The following SYNE1 variants were observed in gnomAD, a reference collection of about 807,000 sequenced individuals.
SYNE1 encodes the protein spectrin repeat containing nuclear envelope protein 1.
SYNE1 carries 616 observed loss-of-function variants against 1,111.0 expected under a neutral mutation model. That is an observed-to-expected ratio of 0.55 (90% CI 0.52 to 0.59). The LOEUF is 0.59. Among genes scored for constraint, SYNE1 ranks in the 20% least tolerant of loss-of-function variants. The pLI is 0.00. For synonymous variants in SYNE1, 3,855 were observed against 3,825.8 expected (o/e 1.01, Z -0.28); for missense variants, 10,006 against 10,417.0 (o/e 0.96, Z 1.72).
At chr6:152,531,652 A>T (rs994350582) in intron 4 of SYNE1, among the ~76,000 whole-genome samples, 5 of 152,172 alleles carry the variant, frequency 3.3e-5, no homozygotes, top group Non-Finnish European at 7.4e-5. Context: ...ACAACTAGCC[A>T]TTCCCTCTGC....
At position 152,355,095 on chromosome 6, in the gene SYNE1, A is replaced by G. The variant is rs1279012575; in HGVS notation, c.10609-119T>C. On this transcript the variant is annotated intron_variant, in intron 66 of 145. Coordinates refer to ENST00000367255, the MANE Select transcript of SYNE1 (RefSeq NM_182961.4). ...CTTCTCATTAGAAAAAAATGATTTT[A>G]TTATTATGCCCTATACAAAAATATG... 4 of 1,098,368 alleles carry G rather than the reference A, an allele frequency of 3.6e-6. No individual in the cohort carries two copies. In the African/African-American group the frequency reaches 4.6e-5, roughly 13 times the overall value. 68.0% of individuals were successfully genotyped at this position (1,098,368 alleles called of 1,614,324 possible).
At chr6:152,363,022 A>G (rs975753050) in intron 63 of SYNE1, among the ~76,000 whole-genome samples, 4 of 150,990 alleles carry the variant, frequency 2.6e-5, no homozygotes, top group Admixed American at 6.6e-5. Context: ...CTGGGACTAC[A>G]TGCCCCCGCC....
chr6:152,568,736 T>C (rs2099429320), intron 3 of SYNE1, among the ~76,000 whole-genome samples: 1 of 151,994 alleles, frequency 6.6e-6, no homozygotes. Flanking sequence ...GACTCCTGAG[T>C]AGCTAGAACT....
At chr6:152,392,926 A>G (rs909801044) in intron 51 of SYNE1, among the ~76,000 whole-genome samples, 2 of 152,196 alleles carry the variant, frequency 1.3e-5, no homozygotes, top group Non-Finnish European at 2.9e-5. Flanking sequence ...GTAGTGAAAT[A>G]TTATGGTGAA....
chr6:152,278,188 G>A lies in SYNE1; in HGVS notation c.18474C>T (p.Thr6158=), dbSNP rs755297465. Residue 6158 remains threonine, a synonymous_variant, in exon 98 of 146, where the codon ACC becomes ACT. Transcript: ENST00000367255. ...CAGCCAGCTGCTCGGCCTCGTCCTT[G>A]GTGTGAGCTTTGCCCTCCAGCAGCA... ...ENLLLEGKAH[T]KDEAEQLAGK... is the part of the protein sequence containing the mutation. 6.2e-7 allele frequency: 1 copy of A among 1,614,150 alleles called. No individual in the cohort carries two copies.
chr6:152,512,273 G>T (rs1279340527), intron 6 of SYNE1, among the ~76,000 whole-genome samples: 1 of 152,008 alleles, frequency 6.6e-6, no homozygotes, highest in African/African-American at 2.4e-5. Flanking sequence ...CAGGTTCAAT[G>T]ACAAAAAATA....
Position 152,206,211 on chromosome 6 carries a change from A to T in SYNE1, c.22976T>A (p.Met7659Lys). The T allele has an allele frequency of 6.2e-7, 1 of 1,613,846 alleles. No homozygotes were observed. The highest frequency in any genetic ancestry group is 8.5e-7 in the Non-Finnish European group (1 of 1,180,026). Reference protein sequence around the residue: ...EIQEKWKSASMRLEEQKKKLA... With the variant: ...EIQEKWKSASKRLEEQKKKLA... ...TTTTTTCTTCTGTTCTTCCAGCCGC[A>T]TGCTGGCTGATTTCCATTTCTCTTG... The change falls in exon 126 of 146, where the codon ATG (methionine) becomes AAG (lysine). Residue 7659 changes from methionine (M) to lysine (K), a missense_variant. Physicochemically the swap from Met to Lys is moderately conservative, Grantham distance 95. Around this residue, in one of 7 missense-constraint regions of SYNE1, gnomAD observed 2,182 missense variants for 2,287.8 expected, o/e 0.95. Coordinates refer to ENST00000367255, the MANE Select transcript of SYNE1 (RefSeq NM_182961.4).
intron 59 of SYNE1, 105 bp downstream of exon 59, chr6:152,372,930 CAA>C: frequency 7.8e-7 from 1 of 1,281,318 alleles, no homozygotes; most frequent in Admixed American, 1.7e-5. Context: ...GAGGGGTAAC[CAA>C]AATCATTGAC....
At chr6:152,535,940 G>T (rs2099233428) in intron 4 of SYNE1, among the ~76,000 whole-genome samples, 1 of 151,918 alleles carries the variant, frequency 6.6e-6, no homozygotes, top group Non-Finnish European at 1.5e-5. Flanking sequence ...AAAATGCAAG[G>T]CCTATGCTGT....
chr6:152,498,946 C>T (rs1396472911), intron 10 of SYNE1, among the ~76,000 whole-genome samples, 154 bp from the exon 11 acceptor site: 3 of 152,074 alleles, frequency 2.0e-5, no homozygotes, highest in Non-Finnish European at 4.4e-5. Flanking sequence ...ATTTTCATAG[C>T]TTTTGAAACT....
chr6:152,494,041 C>T (rs958079995), intron 11 of SYNE1, among the ~76,000 whole-genome samples: 1 of 152,200 alleles, frequency 6.6e-6, no homozygotes, highest in African/African-American at 2.4e-5. Flanking sequence ...AATTCTTACA[C>T]AAGAGCCGGG....
In SYNE1 at chr6:152,404,227, G is replaced by C. The variant is rs749531053; in HGVS notation, c.6811C>G (p.Pro2271Ala). 6.2e-6 allele frequency: 10 copies of C among 1,612,468 alleles called. No individual in the cohort carries two copies. The highest frequency in any genetic ancestry group is 8.5e-6 in the Non-Finnish European group (10 of 1,179,350). ...AAAATGCTTACCTGAAGGTCTGGCG[G>C]TGTTTCTAGATTTTTAGTTAATTCT... ...LKELTKNLET[P>A]PDLQFIEADL... The change falls in exon 46 of 146, where the codon CCG (proline) becomes GCG (alanine). Residue 2271 changes from proline (P) to alanine (A), a missense_variant. By Grantham distance (27) the Pro-to-Ala change is conservative. Around this residue, in one of 7 missense-constraint regions of SYNE1, gnomAD observed 4,955 missense variants for 5,017.2 expected, o/e 0.99. Transcript: ENST00000367255.
rs1466741117 is a variant in SYNE1, at chr6:152,148,197, G to A, written c.24824C>T (p.Pro8275Leu). The A allele has an allele frequency of 6.8e-6, 11 of 1,614,146 alleles. No individual in the cohort carries two copies. Among genetic ancestry groups the A allele is most frequent in the South Asian group, 4.4e-5 (4 of 91,076 alleles). ...CAGGGGGATGGAGTCCACACTAGCC[G>A]GGGTGTCTCGTCCTGACCGCTCGCT... is the stretch of plus-strand genomic sequence containing the variant. ...LRSERSGRDT[P>L]ASVDSIPLEW... The change falls in exon 137 of 146, where the codon CCG becomes CTG. Residue 8275 changes from proline to leucine, a missense_variant. Pro to Leu is a moderately conservative substitution (Grantham distance 98). This residue lies in a region of SYNE1 where 761 missense variants were observed against 795.5 expected (regional missense o/e 0.96). Transcript: ENST00000367255. This position sits in a 1 kb window ranked among gnomAD's most constrained non-coding sequence, Gnocchi z 4.1.
Position 152,132,139 on chromosome 6 carries a change from G to A in SYNE1, c.26077C>T (p.Pro8693Ser). ...SVSPTSGRST[P>S]NRQKTPRGKC... The stretch of plus-strand genomic sequence containing the variant: ...AAAGTTACCGTTTTCTGTCTGTTTG[G>A]GGTGCTCCTTCCTGATGTGGGACTC... Residue 8693 changes from proline (P) to serine (S), a missense_variant, in exon 144 of 146, where the codon CCA (proline) becomes TCA (serine). Around this residue, in one of 7 missense-constraint regions of SYNE1, gnomAD observed 761 missense variants for 795.5 expected, o/e 0.96. Coordinates refer to ENST00000367255, the MANE Select transcript of SYNE1 (RefSeq NM_182961.4). The A allele has an allele frequency of 6.2e-7, 1 of 1,614,070 alleles. No individual in the cohort carries two copies. Among genetic ancestry groups the A allele is most frequent in the Non-Finnish European group, 8.5e-7 (1 of 1,179,978 alleles).
At chr6:152,211,619 T>TAG in intron 123 of SYNE1, 31 bp from the exon 124 acceptor site, 4 of 1,575,216 alleles carry the variant, frequency 2.5e-6, no homozygotes, top group Non-Finnish European at 3.5e-6. Flanking sequence ...GAACATACTT[T>TAG]AGAGTTCCTA....
At chr6:152,202,371 CAA>C (rs11350427) in intron 126 of SYNE1, among the ~76,000 whole-genome samples, 20 of 111,020 alleles carry the variant, frequency 1.8e-4, no homozygotes, top group East Asian at 3.0e-4. Flanking sequence ...AAAAAAAAAG[CAA>C]AAAAAAAAAA....
intron 105 of SYNE1, among the ~76,000 whole-genome samples, chr6:152,246,838 C>G (rs1258416086): frequency 6.6e-6 from 1 of 151,972 alleles, no homozygotes; most frequent in African/African-American, 2.4e-5. Flanking sequence ...ACACTGAGAG[C>G]TAGAAAACAA....
chr6:152,272,275 T>C (rs1037196596), intron 98 of SYNE1, among the ~76,000 whole-genome samples: 1 of 152,192 alleles, frequency 6.6e-6, no homozygotes, highest in African/African-American at 2.4e-5. Flanking sequence ...GTAATTATGG[T>C]AATTACTTTC....
rs374058467 is a variant in SYNE1, at chr6:152,177,888, A to G, written c.23461-1328T>C. 6.6e-5 allele frequency among the ~76,000 whole-genome samples: 10 copies of G among 152,086 alleles called. No individual in the cohort carries two copies. In the East Asian group the frequency reaches 1.7e-3, roughly 26 times the overall value. On this transcript the variant is annotated intron_variant, in intron 129 of 145. Coordinates refer to ENST00000367255, the MANE Select transcript of SYNE1 (RefSeq NM_182961.4). The stretch of plus-strand genomic sequence containing the variant: ...AACAGACACTAATATCTTGGCTTCA[A>G]TTTTTTTTATGAATGGCCTTTTTCT...
Sources: gnomAD v4.1 joint callset for allele counts (sites outside exome capture counted in the v4.1 genomes callset) on GRCh38, gnomAD v4.1.1 for gene constraint, gnomAD v4.1.1 regional missense constraint, Gnocchi (gnomAD v3.1) non-coding constraint, MANE v1.5 for transcripts, NCBI Gene and HGNC (gene_info 2026-07-23, HGNC 2026-07-21) for gene names.